The following LRMDA variants were observed in gnomAD, a reference collection of about 807,000 sequenced individuals.
LRMDA encodes the protein leucine-rich melanocyte differentiation-associated protein.
A neutral mutation model predicts 29.8 loss-of-function variants in LRMDA; 18 were observed. The observed-to-expected ratio is 0.60, with a 90% CI of 0.42 to 0.90. LRMDA has a LOEUF of 0.90. Among genes scored for constraint, LRMDA ranks in the 40% least tolerant of loss-of-function variants. The pLI is 0.00. For missense variants in LRMDA, 273 were observed against 273.9 expected (o/e 1.00, Z 0.02); for synonymous variants, 125 against 109.4 (o/e 1.14, Z -0.89).
At chr10:76,388,634 T>C (rs1841688340) in intron 6 of LRMDA, among the ~76,000 whole-genome samples, 1 of 152,216 alleles carries the variant, frequency 6.6e-6, no homozygotes, top group African/African-American at 2.4e-5. Context: ...TTCTGACTTA[T>C]TCTTGGAAGT....
At chr10:76,139,285 T>A (rs1325064347) in intron 5 of LRMDA, among the ~76,000 whole-genome samples, 1 of 152,188 alleles carries the variant, frequency 6.6e-6, no homozygotes, top group Non-Finnish European at 1.5e-5. Context: ...AATTAAGTGA[T>A]CTTGCAAGAC....
intron 2 of LRMDA, among the ~76,000 whole-genome samples, chr10:75,984,724 T>G (rs1847234292): frequency 6.6e-6 from 1 of 152,222 alleles, no homozygotes; most frequent in Non-Finnish European, 1.5e-5. Flanking sequence ...AGGCCATGAT[T>G]CTCAATTCCT....
At chr10:75,742,591 T>C (rs1842843051) in intron 2 of LRMDA, 1 of 152,234 alleles carries the variant, frequency 6.6e-6, no homozygotes, top group African/African-American at 2.4e-5. Context: ...AGTTCCTTTT[T>C]CTTACAGAAG....
chr10:75,619,016 C>T (rs1445576930), intron 2 of LRMDA, among the ~76,000 whole-genome samples: 1 of 152,032 alleles, frequency 6.6e-6, no homozygotes, highest in Non-Finnish European at 1.5e-5. Context: ...CCAGGTTGGT[C>T]TTGATCTCCT....
intron 2 of LRMDA, among the ~76,000 whole-genome samples, chr10:75,531,018 C>A (rs1845471160): frequency 6.6e-6 from 1 of 152,106 alleles, no homozygotes. Context: ...CATCTGTTGT[C>A]ACAACAGCTC....
intron 2 of LRMDA, among the ~76,000 whole-genome samples, chr10:75,798,344 G>A (rs72811415): frequency 0.01 from 1,563 of 151,944 alleles, 12 homozygotes; most frequent in Non-Finnish European, 0.017. Context: ...ACCACTTTTT[G>A]CTTTTATAGA....
intron 2 of LRMDA, among the ~76,000 whole-genome samples, chr10:75,541,673 G>C (rs909032388): frequency 1.3e-5 from 2 of 152,128 alleles, no homozygotes. Context: ...TGCCAGATCC[G>C]ATCTGCTAGG....
At chr10:76,231,888 C>T (rs977038784) in intron 5 of LRMDA, among the ~76,000 whole-genome samples, 12 of 152,028 alleles carry the variant, frequency 7.9e-5, no homozygotes, top group Non-Finnish European at 1.8e-4. Context: ...ATATACAAAC[C>T]ACAGGAGGGA....
intron 2 of LRMDA, among the ~76,000 whole-genome samples, chr10:75,739,152 C>T (rs956508240): frequency 1.3e-5 from 2 of 152,332 alleles, no homozygotes; most frequent in East Asian, 1.9e-4. Flanking sequence ...AGTGCGGCGA[C>T]TTTGACAAAG....
rs752700021 is a variant in LRMDA, at chr10:76,047,240, A to G, written c.335A>G (p.Asn112Ser). 1 of 1,614,128 alleles carries G rather than the reference A, an allele frequency of 6.2e-7. No individual in the cohort carries two copies. Among genetic ancestry groups the G allele is most frequent in the African/African-American group, 1.3e-5 (1 of 75,040 alleles). ...PALEYLSLLG[N>S]VACPNELVSL... is the part of the protein sequence containing the mutation. Reference sequence around the variant, plus strand: ...CTGGAGTACCTCAGTCTGCTGGGCAACGTGGCCTGTCCCAACGAGCTGGTC... The same window carrying G: ...CTGGAGTACCTCAGTCTGCTGGGCAGCGTGGCCTGTCCCAACGAGCTGGTC... The change falls in exon 4 of 7, where the codon AAC (asparagine) becomes AGC (serine). Residue 112 changes from asparagine to serine, a missense_variant. Asn to Ser is a conservative substitution (Grantham distance 46, BLOSUM62 1). Transcript: ENST00000611255.
intron 5 of LRMDA, among the ~76,000 whole-genome samples, chr10:76,277,533 T>C (rs1239442451): frequency 1.3e-5 from 2 of 152,232 alleles, no homozygotes; most frequent in Admixed American, 6.5e-5. Context: ...TTTTTTCTGC[T>C]GTTCCTTTAG....
At chr10:76,386,241 A>C (rs929757737) in intron 6 of LRMDA, among the ~76,000 whole-genome samples, 1 of 152,224 alleles carries the variant, frequency 6.6e-6, no homozygotes, top group Admixed American at 6.5e-5. Context: ...TATTTGGATT[A>C]CCAAGTGAGT....
chr10:76,046,862 C>T (rs1848446944), intron 3 of LRMDA, among the ~76,000 whole-genome samples: 2 of 152,168 alleles, frequency 1.3e-5, no homozygotes, highest in African/African-American at 4.8e-5. Flanking sequence ...GGAATCTTCC[C>T]TTTTGGTGTG....
chr10:76,076,346 A>AG (rs34708479), intron 5 of LRMDA, among the ~76,000 whole-genome samples: 1 of 63,676 alleles, frequency 1.6e-5, no homozygotes, highest in Non-Finnish European at 4.5e-5. Context: ...ACTCCATCTC[A>AG]AAAAAAAAAA....
intron 5 of LRMDA, among the ~76,000 whole-genome samples, chr10:76,200,337 G>A (rs1415362131): frequency 1.3e-5 from 2 of 152,154 alleles, no homozygotes; most frequent in Non-Finnish European, 2.9e-5. Flanking sequence ...TGATAGAAAC[G>A]TTAGAGAGTG....
Position 76,097,406 on chromosome 10 carries a change from A to G in LRMDA, c.516+38623A>G, listed in dbSNP as rs550726417. ...TTGCCTTATTCTACCACTTAGAACA[A>G]CAGTACTTAGAATCACAGTAACTTA... On this transcript the variant is annotated intron_variant, in intron 5 of 6. Transcript: ENST00000611255. Among the ~76,000 whole-genome samples, 50 of 152,338 alleles carry G rather than the reference A, an allele frequency of 3.3e-4. 1 individual carries two copies. The South Asian group carries it at 8.1e-3, about 25-fold the overall frequency.
At chr10:76,158,124 C>T (rs1243614122) in intron 5 of LRMDA, among the ~76,000 whole-genome samples, 8 of 152,052 alleles carry the variant, frequency 5.3e-5, no homozygotes, top group African/African-American at 1.9e-4. Context: ...TCTATGATGG[C>T]CTCAGAGCCA....
Position 75,587,173 on chromosome 10 carries a change from T to C in LRMDA, c.131+148679T>C, listed in dbSNP as rs972666022. On this transcript the variant is annotated intron_variant, in intron 2 of 6. Transcript: ENST00000611255. Reference sequence around the variant, plus strand: ...GTGGTGTCAGATAATCCAGTATTTATATTTCATCTATAATAAAATCTCATT... The same window carrying C: ...GTGGTGTCAGATAATCCAGTATTTACATTTCATCTATAATAAAATCTCATT... Among the ~76,000 whole-genome samples the C allele has an allele frequency of 4.6e-5, 7 of 152,358 alleles. No individual in the cohort carries two copies. The East Asian group carries it at 1.3e-3, about 29-fold the overall frequency.
intron 6 of LRMDA, among the ~76,000 whole-genome samples, chr10:76,445,664 A>C (rs1244238412): frequency 2.2e-4 from 33 of 152,200 alleles, no homozygotes; most frequent in Non-Finnish European, 1.5e-5. Flanking sequence ...ACAGAGGGAG[A>C]GGTTTGAGTT....
Sources: gnomAD v4.1 joint callset for allele counts (sites outside exome capture counted in the v4.1 genomes callset) on GRCh38, gnomAD v4.1.1 for gene constraint, MANE v1.5 for transcripts, NCBI Gene and HGNC (gene_info 2026-07-23, HGNC 2026-07-21) for gene names.